UBXN7: variants seen among roughly 807,000 people sequenced by gnomAD.
UBXN7 encodes UBX domain protein 7, also known as UBX domain-containing protein 7.
Under a neutral mutation model 58.0 loss-of-function variants are expected in UBXN7, and 9 were observed. The ratio of observed to expected loss-of-function variants is 0.16; its 90% CI spans 0.09 to 0.27. The LOEUF is 0.27. Among genes scored for constraint, UBXN7 ranks in the 10% least tolerant of loss-of-function variants. The probability of loss-of-function intolerance (pLI) is 1.00; values close to 1 mark genes in which losing one functional copy is unlikely to be tolerated. For missense variants in UBXN7, 328 were observed against 599.6 expected (o/e 0.55, Z 4.73); for synonymous variants, 208 against 205.0 (o/e 1.01, Z -0.12).
intron 7 of UBXN7, among the ~76,000 whole-genome samples, chr3:196,368,808 A>AT (rs1728739246): frequency 6.6e-6 from 1 of 152,158 alleles, no homozygotes; most frequent in African/African-American, 2.4e-5. Flanking sequence ...TATTTTAATG[A>AT]TAAAAAAAAC....
At chr3:196,414,394 T>C (rs946950602) in intron 1 of UBXN7, among the ~76,000 whole-genome samples, 3 of 152,188 alleles carry the variant, frequency 2.0e-5, no homozygotes, top group Middle Eastern at 6.3e-3. Flanking sequence ...GTAAGTTCAA[T>C]TGTCTGTCTT....
At chr3:196,386,030 TA>T (rs1441856521) in intron 5 of UBXN7, among the ~76,000 whole-genome samples, 3 of 152,172 alleles carry the variant, frequency 2.0e-5, no homozygotes, top group Non-Finnish European at 4.4e-5. Context: ...TGTTCTGTAC[TA>T]AGAGAAATTC....
intron 10 of UBXN7, among the ~76,000 whole-genome samples, chr3:196,359,507 G>A (rs191866850): frequency 6.6e-6 from 1 of 152,328 alleles, no homozygotes; most frequent in Non-Finnish European, 1.5e-5. Flanking sequence ...CACGTGGAAA[G>A]CTGAGACAGA....
At chr3:196,377,476 A>G (rs1729064378) in intron 5 of UBXN7, among the ~76,000 whole-genome samples, 1 of 152,168 alleles carries the variant, frequency 6.6e-6, no homozygotes, top group African/African-American at 2.4e-5. Context: ...TTATAAACAT[A>G]TGTGGAACCT....
chr3:196,416,968 A>G (rs537587711), intron 1 of UBXN7, among the ~76,000 whole-genome samples: 1 of 152,304 alleles, frequency 6.6e-6, no homozygotes, highest in African/African-American at 2.4e-5. Context: ...AGGGCAACTT[A>G]GGGCAGGAAA....
At chr3:196,405,933 A>AACAATTGAGAAAAT (rs1730147890) in intron 2 of UBXN7, among the ~76,000 whole-genome samples, 1 of 152,228 alleles carries the variant, frequency 6.6e-6, no homozygotes, top group Admixed American at 6.5e-5. Flanking sequence ...TTGAGAAAAC[A>AACAATTGAGAAAAT]TGTTTTATAC....
rs1314212295 is a variant in UBXN7, at chr3:196,386,959, C to T, written c.468+4854G>A. On this transcript the variant is annotated intron_variant, in intron 5 of 10. Transcript: ENST00000296328. Reference sequence around the variant, plus strand: ...AGGCATCATGCTACCTGACTTCAAACTATACTACAAGGCTACAGTAACCAA... The same window carrying T: ...AGGCATCATGCTACCTGACTTCAAATTATACTACAAGGCTACAGTAACCAA... 2.0e-5 allele frequency among the ~76,000 whole-genome samples: 3 copies of T among 152,116 alleles called. No homozygotes were observed. In the South Asian group the frequency reaches 6.2e-4, roughly 32 times the overall value.
intron 8 of UBXN7, among the ~76,000 whole-genome samples, chr3:196,363,201 C>CACATACATACAT (rs558530730): frequency 2.2e-5 from 3 of 139,230 alleles, no homozygotes; most frequent in Non-Finnish European, 3.1e-5. Flanking sequence ...CCGCACCTGG[C>CACATACATACAT]ACATACATAC....
intron 3 of UBXN7, among the ~76,000 whole-genome samples, chr3:196,398,383 C>A (rs1192709707): frequency 6.6e-6 from 1 of 152,146 alleles, no homozygotes; most frequent in Non-Finnish European, 1.5e-5. Flanking sequence ...CAATTCATCT[C>A]GCAGTCTGAA....
At chr3:196,429,854 T>C (rs541293403) in intron 1 of UBXN7, among the ~76,000 whole-genome samples, 2 of 152,068 alleles carry the variant, frequency 1.3e-5, no homozygotes, top group Non-Finnish European at 2.9e-5. Context: ...TGTCTACTGA[T>C]TGAGGGACTC....
At chr3:196,429,847 C>CAG (rs1730968783) in intron 1 of UBXN7, among the ~76,000 whole-genome samples, 2 of 152,052 alleles carry the variant, frequency 1.3e-5, no homozygotes, top group African/African-American at 4.8e-5. Flanking sequence ...ATACCACTGT[C>CAG]TACTGATTGA....
chr3:196,390,673 G>A (rs1042137545), intron 5 of UBXN7, among the ~76,000 whole-genome samples: 2 of 151,502 alleles, frequency 1.3e-5, no homozygotes, highest in African/African-American at 2.4e-5. Flanking sequence ...CCTGGGAGGC[G>A]GAGGTTGCAG....
intron 3 of UBXN7, among the ~76,000 whole-genome samples, chr3:196,396,997 T>C (rs1418043335): frequency 1.3e-5 from 2 of 152,144 alleles, no homozygotes; most frequent in Non-Finnish European, 2.9e-5. Flanking sequence ...CCAATTCCTT[T>C]TACTTCTTGG....
At chr3:196,391,111 G>A (rs372686583) in intron 5 of UBXN7, among the ~76,000 whole-genome samples, 2 of 152,088 alleles carry the variant, frequency 1.3e-5, no homozygotes, top group African/African-American at 4.8e-5. Context: ...ATTACGATCC[G>A]CACAGAAATA....
intron 1 of UBXN7, 83 bp downstream of exon 1, chr3:196,432,244 C>G (rs767217432): frequency 2.9e-5 from 45 of 1,561,654 alleles, no homozygotes; most frequent in Non-Finnish European, 3.8e-5. Context: ...AGGAGGAATG[C>G]CTGAAGGTAA....
intron 1 of UBXN7, among the ~76,000 whole-genome samples, chr3:196,415,266 G>A (rs1056900201): frequency 4.7e-5 from 7 of 149,488 alleles, no homozygotes; most frequent in Non-Finnish European, 8.9e-5. Context: ...TGATTCTCCC[G>A]CCTCAGCCTC....
chr3:196,370,387 A>G (rs56277714), intron 6 of UBXN7, among the ~76,000 whole-genome samples: 9 of 151,354 alleles, frequency 5.9e-5, no homozygotes, highest in Non-Finnish European at 1.3e-4. Flanking sequence ...TAGGGGTTAG[A>G]GCCTGCAGTG....
At chr3:196,404,238 A>G (rs979338912) in intron 2 of UBXN7, among the ~76,000 whole-genome samples, 1 of 151,274 alleles carries the variant, frequency 6.6e-6, no homozygotes, top group Non-Finnish European at 1.5e-5. Flanking sequence ...CAAATTCCAT[A>G]TAAATTTATG....
intron 2 of UBXN7, among the ~76,000 whole-genome samples, chr3:196,404,841 T>C (rs1207466402): frequency 6.6e-6 from 1 of 152,164 alleles, no homozygotes; most frequent in African/African-American, 2.4e-5. Context: ...GAGTAAGCTC[T>C]GTCAATCCTT....
Sources: allele counts gnomAD v4.1 joint callset (sites outside exome capture counted in the v4.1 genomes callset), GRCh38; gene constraint gnomAD v4.1.1; transcripts MANE v1.5; gene names NCBI Gene and HGNC (gene_info 2026-07-23, HGNC 2026-07-21).